WWOX: variants seen among roughly 807,000 people sequenced by gnomAD.
WWOX encodes the protein WW domain containing oxidoreductase.
In WWOX, 69 loss-of-function variants were observed where a neutral mutation model predicts 46.2. The ratio of observed to expected loss-of-function variants is 1.49; its 90% CI spans 1.23 to 1.82. The LOEUF (loss-of-function observed/expected upper bound fraction) is 1.82, where lower values mean the gene tolerates loss of function less well. WWOX is among the 40% of genes most tolerant of loss of function. The pLI is 0.00. For synonymous variants in WWOX, 359 were observed against 202.6 expected, an observed-to-expected ratio of 1.77 and a Z score of -6.56; for missense variants, 919 against 542.6, an observed-to-expected ratio of 1.69 and a Z score of -6.89.
intron 8 of WWOX, among the ~76,000 whole-genome samples, chr16:79,167,499 C>G (rs940764336): frequency 1.3e-5 from 2 of 152,072 alleles, no homozygotes. Flanking sequence ...TCTGGTGTGT[C>G]CATCATGCAC....
intron 8 of WWOX, among the ~76,000 whole-genome samples, chr16:79,188,215 G>C (rs1354323058): frequency 6.6e-6 from 1 of 152,170 alleles, no homozygotes; most frequent in African/African-American, 2.4e-5. Flanking sequence ...GGCGGTAGTG[G>C]TGCTGCATGG....
intron 8 of WWOX, among the ~76,000 whole-genome samples, chr16:78,867,510 G>GTGTC (rs2044030983): frequency 7.0e-6 from 1 of 143,662 alleles, no homozygotes; most frequent in Admixed American, 7.0e-5. Flanking sequence ...GTGTGTGTGT[G>GTGTC]TATGTGTGTG....
intron 8 of WWOX, among the ~76,000 whole-genome samples, chr16:78,889,549 C>T (rs377345352): frequency 2.6e-4 from 39 of 152,186 alleles, no homozygotes; most frequent in African/African-American, 7.7e-4. Context: ...AAGTATTGGC[C>T]TGTGTCCACT....
intron 8 of WWOX, among the ~76,000 whole-genome samples, chr16:79,164,033 C>T (rs1340836444): frequency 2.0e-5 from 3 of 152,156 alleles, no homozygotes; most frequent in Non-Finnish European, 4.4e-5. Context: ...AGACTTTAGG[C>T]ATATACATAA....
chr16:78,777,159 C>T lies in WWOX; in HGVS notation c.1056+344407C>T, dbSNP rs554408868. Among the ~76,000 whole-genome samples the T allele has an allele frequency of 1.3e-3, 195 of 151,486 alleles. 1 individual carries two copies. Among genetic ancestry groups the T allele is most frequent in the Middle Eastern group, 0.01 (3 of 294 alleles). The stretch of plus-strand genomic sequence containing the variant: ...TCTTGGTTTCTAGGGTCCAACATGC[C>T]ATTGTTCAATGGCTGTATTTCAATG... On this transcript the variant is annotated intron_variant, in intron 8 of 8. Transcript: ENST00000566780.
In WWOX at chr16:79,123,179, C is replaced by T. The variant is rs1032463900; in HGVS notation, c.1057-88429C>T. On this transcript the variant is annotated intron_variant, in intron 8 of 8. Coordinates refer to ENST00000566780, the MANE Select transcript of WWOX (RefSeq NM_016373.4). ...CCCACTAGTGAGAGGGAGGACACCG[C>T]TGGTCTGTGCTCAACAGCCAGGCCA... Among the ~76,000 whole-genome samples, 10 of 152,196 alleles carry T rather than the reference C, an allele frequency of 6.6e-5. 1 individual carries two copies. Among genetic ancestry groups the T allele is most frequent in the Middle Eastern group, 3.4e-3 (1 of 294 alleles).
intron 3 of WWOX, among the ~76,000 whole-genome samples, chr16:78,114,081 A>C (rs1253087525): frequency 7.1e-6 from 1 of 140,756 alleles, no homozygotes; most frequent in Non-Finnish European, 1.5e-5. Flanking sequence ...CTTTTCATCC[A>C]TATGTGCCTT....
At chr16:78,323,981 C>G (rs1597483730) in intron 5 of WWOX, among the ~76,000 whole-genome samples, 1 of 152,144 alleles carries the variant, frequency 6.6e-6, no homozygotes. Flanking sequence ...TTTTTGGATG[C>G]ATTTTCCTCC....
At chr16:78,484,406 A>T (rs1331163999) in intron 8 of WWOX, among the ~76,000 whole-genome samples, 2 of 152,126 alleles carry the variant, frequency 1.3e-5, no homozygotes, top group Non-Finnish European at 2.9e-5. Flanking sequence ...TGGTATTTGA[A>T]TTGGTCGATA....
At chr16:78,505,460 C>T (rs964622326) in intron 8 of WWOX, among the ~76,000 whole-genome samples, 1 of 152,104 alleles carries the variant, frequency 6.6e-6, no homozygotes, top group African/African-American at 2.4e-5. Context: ...TGAAAATCAT[C>T]TTACTTTTTT....
chr16:78,998,260 G>A (rs1220670639), intron 8 of WWOX, among the ~76,000 whole-genome samples: 2 of 152,194 alleles, frequency 1.3e-5, no homozygotes, highest in African/African-American at 4.8e-5. Context: ...GGACATGTTG[G>A]ACTGCACATC....
chr16:78,402,813 T>C (rs2082444256), intron 6 of WWOX, among the ~76,000 whole-genome samples: 1 of 152,196 alleles, frequency 6.6e-6, no homozygotes, highest in Non-Finnish European at 1.5e-5. Context: ...TTCTAACCAA[T>C]CAGTGCTGGC....
intron 8 of WWOX, among the ~76,000 whole-genome samples, chr16:78,979,315 GT>G (rs893005369): frequency 3.3e-5 from 5 of 151,824 alleles, no homozygotes; most frequent in African/African-American, 1.2e-4. Flanking sequence ...AACCTTTATA[GT>G]TTTTTTTCTA....
intron 8 of WWOX, among the ~76,000 whole-genome samples, chr16:78,838,623 C>T (rs2052054495): frequency 6.6e-6 from 1 of 152,136 alleles, no homozygotes; most frequent in African/African-American, 2.4e-5. Flanking sequence ...AGATGGGTCA[C>T]CTGAGGTCCG....
At chr16:78,776,163 T>A (rs534229928) in intron 8 of WWOX, among the ~76,000 whole-genome samples, 185 of 152,238 alleles carry the variant, frequency 1.2e-3, no homozygotes, top group African/African-American at 4.3e-3. Flanking sequence ...AAAAAATGAT[T>A]CTGCATTCAT....
intron 5 of WWOX, among the ~76,000 whole-genome samples, chr16:78,173,459 T>TA (rs1364878668): frequency 3.4e-4 from 51 of 150,552 alleles, no homozygotes; most frequent in African/African-American, 1.1e-3. Flanking sequence ...TGGCTAATTT[T>TA]TTTTTTTTTT....
At chr16:78,243,425 G>A (rs1038276451) in intron 5 of WWOX, among the ~76,000 whole-genome samples, 39 of 152,168 alleles carry the variant, frequency 2.6e-4, no homozygotes, top group South Asian at 6.2e-4. Flanking sequence ...TAAATGACAT[G>A]TCATGGGGGT....
intron 8 of WWOX, chr16:79,206,284 G>A (rs941945923): frequency 1.3e-5 from 2 of 152,266 alleles, no homozygotes; most frequent in Non-Finnish European, 2.9e-5. Context: ...GAGCCCCGTG[G>A]AAGACATAGA....
intron 6 of WWOX, among the ~76,000 whole-genome samples, chr16:78,394,720 A>G (rs8060137): frequency 0.93 from 141,666 of 152,278 alleles, 66,105 homozygotes; most frequent in African/African-American, 0.98. Context: ...GAAAGCAGCC[A>G]TAGATAGTAT....
Sources: gnomAD v4.1 joint callset for allele counts (sites outside exome capture counted in the v4.1 genomes callset) on GRCh38, gnomAD v4.1.1 for gene constraint, MANE v1.5 for transcripts, NCBI Gene and HGNC (gene_info 2026-07-23, HGNC 2026-07-21) for gene names.